The following CR1 variants were observed in gnomAD, a reference collection of about 807,000 sequenced individuals.
CR1 encodes the protein complement C3b/C4b receptor 1 (Knops blood group), also known as complement receptor type 1.
In CR1, 116 loss-of-function variants were observed where a neutral mutation model predicts 187.3. That is an observed-to-expected ratio of 0.62 (90% confidence interval 0.53 to 0.72). The LOEUF (loss-of-function observed/expected upper bound fraction) is 0.72, where lower values mean the gene tolerates loss of function less well. Among genes scored for constraint, CR1 ranks in the 30% least tolerant of loss-of-function variants. The probability of loss-of-function intolerance (pLI) is 0.00; values close to 1 mark genes in which losing one functional copy is unlikely to be tolerated. For missense variants in CR1, 1,731 were observed against 2,110.7 expected (o/e 0.82, Z 3.52); for synonymous variants, 576 against 747.1 (o/e 0.77, Z 3.73).
At chr1:207,620,535 T>C (rs945371025) in intron 43 of CR1, among the ~76,000 whole-genome samples, 2 of 152,196 alleles carry the variant, frequency 1.3e-5, no homozygotes, top group African/African-American at 4.8e-5. Context: ...TACTGTAAGA[T>C]AGAAAACTAC....
chr1:207,605,462 T>C (rs1661723302), intron 35 of CR1, among the ~76,000 whole-genome samples: 1 of 152,060 alleles, frequency 6.6e-6, no homozygotes, highest in Non-Finnish European at 1.5e-5. Context: ...TTTTACCCTA[T>C]AAATATATAC....
At chr1:207,623,271 A>G (rs924878083) in intron 45 of CR1, among the ~76,000 whole-genome samples, 1 of 66,428 alleles carries the variant, frequency 1.5e-5, no homozygotes, top group Admixed American at 2.1e-4. Flanking sequence ...ATTAAAAAAT[A>G]ATAATAATAA....
Position 207,515,178 on chromosome 1 carries a change from C to CTT in CR1, c.487+3524_487+3525insTT, listed in dbSNP as rs200965804. 4.5e-3 allele frequency among the ~76,000 whole-genome samples: 619 copies of CTT among 136,356 alleles called. 35 individuals carry two copies. The highest frequency in any genetic ancestry group is 0.016 in the African/African-American group (575 of 36,634). The allele number at this position is 136,356 out of a possible 152,430, so 89.5% of individuals were successfully genotyped here. A position where few individuals can be genotyped will look rare whatever the true frequency, so the allele number is the denominator to read the frequency against. ...ATACATATACATATATAGGTATATACATATATACGTATATATACATATACA... is the reference window on the plus strand; with the variant it reads ...ATACATATACATATATAGGTATATACTTATATATACGTATATATACATATACA... On this transcript the variant is annotated intron_variant, in intron 4 of 46. Coordinates refer to ENST00000367049, the MANE Select transcript of CR1 (RefSeq NM_000651.6).
At position 207,519,686 on chromosome 1, in the gene CR1, G is replaced by A. The variant is rs575537715; in HGVS notation, c.488-3925G>A. ...AAAAGAGTTTAATTGAGCAATGAAC[G>A]ATTCGCAAATCAGGCAGCCTCCCGA... On this transcript the variant is annotated intron_variant, in intron 4 of 46. Coordinates refer to ENST00000367049, the MANE Select transcript of CR1 (RefSeq NM_000651.6). Among the ~76,000 whole-genome samples the A allele has an allele frequency of 6.6e-5, 10 of 152,292 alleles. No individual in the cohort carries two copies. In the South Asian group the frequency reaches 1.9e-3, roughly 28 times the overall value.
rs1219309062 is a variant in CR1, at chr1:207,587,447, T to C, written c.5592T>C (p.Phe1864=). Residue 1864 remains phenylalanine, a synonymous_variant, in exon 34 of 47, where the codon TTT becomes TTC. Coordinates refer to ENST00000367049, the MANE Select transcript of CR1 (RefSeq NM_000651.6). ...GTCCTACGATCCCAATTAATGACTT[T>C]GAGTTTCCAGTCGGGACATCTTTGA... ...FASPTIPIND[F]EFPVGTSLNY... is the part of the protein sequence containing the mutation. 3.1e-6 allele frequency: 5 copies of C among 1,613,842 alleles called. No individual in the cohort carries two copies. The highest frequency in any genetic ancestry group is 4.2e-6 in the Non-Finnish European group (5 of 1,179,828).
At position 207,609,556 on chromosome 1, in the gene CR1, A is replaced by G. The variant is rs1250844597; in HGVS notation, c.6163A>G (p.Asn2055Asp). 4 of 1,613,778 alleles carry G rather than the reference A, an allele frequency of 2.5e-6. No homozygotes were observed. The Admixed American group carries it at 5.0e-5, about 20-fold the overall frequency. ...TGAAAATGCAATTAGAGTACCAGGA[A>G]ACAGGAGTTTCTTTACCCTCACTGA... ...EVENAIRVPG[N>D]RSFFTLTEII... Residue 2055 changes from asparagine to aspartate, a missense_variant, in exon 37 of 47, where the codon AAC becomes GAC. Asn to Asp is a conservative substitution (Grantham distance 23). Coordinates refer to ENST00000367049, the MANE Select transcript of CR1 (RefSeq NM_000651.6).
intron 27 of CR1, among the ~76,000 whole-genome samples, chr1:207,572,945 C>T (rs1011075066): frequency 3.6e-4 from 55 of 151,998 alleles, no homozygotes; most frequent in Non-Finnish European, 2.2e-4. Flanking sequence ...CAAAGTTTTC[C>T]CTTTTAATAA....
At chr1:207,496,919 T>C (rs1209660592) in intron 1 of CR1, among the ~76,000 whole-genome samples, 1 of 152,148 alleles carries the variant, frequency 6.6e-6, no homozygotes, top group East Asian at 1.9e-4. Context: ...GGGCTATGTG[T>C]CCCCGAGTCC....
chr1:207,513,274 G>C (rs1447882837), intron 4 of CR1, among the ~76,000 whole-genome samples: 2 of 152,172 alleles, frequency 1.3e-5, no homozygotes, highest in Non-Finnish European at 2.9e-5. Context: ...CATTGTCTCT[G>C]GCAATTAAGT....
intron 27 of CR1, among the ~76,000 whole-genome samples, chr1:207,574,419 A>G (rs1660671703): frequency 1.3e-5 from 2 of 152,234 alleles, no homozygotes; most frequent in Admixed American, 1.3e-4. Flanking sequence ...GAGGCTCCAG[A>G]TACACATTAA....
rs561028518 is a variant in CR1 at position 207,611,686 on chromosome 1, C to T, written c.6305C>T (p.Pro2102Leu). The T allele has an allele frequency of 1.8e-5, 29 of 1,613,740 alleles. No homozygotes were observed. The Middle Eastern group carries it at 5.0e-4, about 28-fold the overall frequency. Residue 2102 changes from proline to leucine, a missense_variant, in exon 38 of 47, where the codon CCG becomes CTG. Transcript: ENST00000367049. Reference protein sequence around the residue: ...KLPHCSRVCQPPPEILHGEHT... With the variant: ...KLPHCSRVCQLPPEILHGEHT... ...ACTGTCCTTTCCACAGTGTGTCAGCCGCCTCCAGAAATCCTGCATGGTGAG... is the reference window on the plus strand; with the variant it reads ...ACTGTCCTTTCCACAGTGTGTCAGCTGCCTCCAGAAATCCTGCATGGTGAG...
chr1:207,508,831 C>A (rs1659528961), intron 3 of CR1, among the ~76,000 whole-genome samples: 1 of 151,976 alleles, frequency 6.6e-6, no homozygotes, highest in African/African-American at 2.4e-5. Flanking sequence ...ATGTAGCAAT[C>A]TGTAACCAAT....
chr1:207,609,713 G>T (rs778793620), intron 37 of CR1, 25 bp downstream of exon 37: 5 of 1,537,754 alleles, frequency 3.3e-6, no homozygotes, highest in East Asian at 2.3e-5. Context: ...TCAAGACTTT[G>T]CTGGGTGTGA....
Position 207,496,351 on chromosome 1 carries a change from G to A in CR1, c.84G>A (p.Leu28=). Residue 28 remains leucine (L), a synonymous_variant, in exon 1 of 47, where the codon CTG becomes CTA. Transcript: ENST00000367049. ...GLPFCCGGSL[L]AVVVLLALPV... ...CCTTCTGCTGCGGAGGATCCCTGCT[G>A]GCGGTTGTGGTGCTGCTTGCGCTGC... 6.2e-7 allele frequency: 1 copy of A among 1,612,474 alleles called. No individual in the cohort carries two copies. The highest frequency in any genetic ancestry group is 2.2e-5 in the East Asian group (1 of 44,870).
intron 36 of CR1, among the ~76,000 whole-genome samples, chr1:207,607,982 G>C (rs1661801651): frequency 6.6e-6 from 1 of 152,196 alleles, no homozygotes; most frequent in Non-Finnish European, 1.5e-5. Flanking sequence ...AGTAGGCACA[G>C]ACTTCCAGAA....
intron 37 of CR1, among the ~76,000 whole-genome samples, chr1:207,611,090 C>A (rs548733947): frequency 6.6e-6 from 1 of 152,058 alleles, no homozygotes; most frequent in South Asian, 2.1e-4. Context: ...ACCCTCACCC[C>A]CTATCCCCAC....
In CR1 at chr1:207,587,577, C is replaced by T. The variant is rs1416287274; in HGVS notation, c.5710+12C>T. 6.2e-7 allele frequency: 1 copy of T among 1,610,040 alleles called. No homozygotes were observed. Among genetic ancestry groups the T allele is most frequent in the South Asian group, 1.1e-5 (1 of 90,584 alleles). On this transcript the variant is annotated intron_variant, in intron 34 of 46. Transcript: ENST00000367049. Reference sequence around the variant, plus strand: ...AGACAACTGTAGACGTGAGTAACCCCTCCCTGGGAACTACTTCATGTCTGT... The same window carrying T: ...AGACAACTGTAGACGTGAGTAACCCTTCCCTGGGAACTACTTCATGTCTGT...
chr1:207,597,240 T>C (rs1473700741), intron 35 of CR1, among the ~76,000 whole-genome samples: 1 of 152,034 alleles, frequency 6.6e-6, no homozygotes, highest in Non-Finnish European at 1.5e-5. Context: ...GAAAGAACAC[T>C]ATAAGATCAA....
At chr1:207,616,889 T>G in intron 41 of CR1, 87 bp downstream of exon 41, 17 of 1,532,886 alleles carry the variant, frequency 1.1e-5, no homozygotes, top group Non-Finnish European at 1.3e-5. Context: ...TCATTTTTGC[T>G]TGTGAAAATG....
Sources: allele counts gnomAD v4.1 joint callset (sites outside exome capture counted in the v4.1 genomes callset), GRCh38; gene constraint gnomAD v4.1.1; transcripts MANE v1.5; gene names NCBI Gene and HGNC (gene_info 2026-07-23, HGNC 2026-07-21).